Variants in TMEM178B observed in about 807,000 individuals in gnomAD.
TMEM178B encodes the protein transmembrane protein 178B.
A neutral mutation model predicts 31.0 loss-of-function variants in TMEM178B; 5 were observed. That is an observed-to-expected ratio of 0.16 (90% CI 0.08 to 0.34). The LOEUF (loss-of-function observed/expected upper bound fraction) is 0.34, where lower values mean the gene tolerates loss of function less well. TMEM178B is among the 10% of genes least tolerant of loss of function. The probability of loss-of-function intolerance (pLI) is 1.00; values close to 1 mark genes in which losing one functional copy is unlikely to be tolerated. For synonymous variants in TMEM178B, 164 were observed against 164.0 expected, an observed-to-expected ratio of 1.00 and a Z score of 0.00; for missense variants, 275 against 400.3, an observed-to-expected ratio of 0.69 and a Z score of 2.67.
intron 1 of TMEM178B, among the ~76,000 whole-genome samples, chr7:141,179,284 A>C (rs569174763): frequency 6.6e-6 from 1 of 152,344 alleles, no homozygotes; most frequent in East Asian, 1.9e-4. Flanking sequence ...ATAAAAGTTA[A>C]TGCCTGATTT....
chr7:141,244,160 A>G (rs1457684463), intron 2 of TMEM178B, among the ~76,000 whole-genome samples: 1 of 152,182 alleles, frequency 6.6e-6, no homozygotes, highest in African/African-American at 2.4e-5. Context: ...TCATTTACTT[A>G]TGTGCCAGGG....
chr7:141,387,401 A>G (rs557377677), intron 2 of TMEM178B, among the ~76,000 whole-genome samples: 70 of 152,270 alleles, frequency 4.6e-4, no homozygotes, highest in South Asian at 8.3e-4. Flanking sequence ...CATCCCCTAA[A>G]TGCCTCATAA....
At chr7:141,297,513 C>A (rs1007736470) in intron 2 of TMEM178B, among the ~76,000 whole-genome samples, 1 of 152,148 alleles carries the variant, frequency 6.6e-6, no homozygotes, top group African/African-American at 2.4e-5. Context: ...CCCCTTCCCC[C>A]ACCCCACAAC....
Position 141,470,529 on chromosome 7 carries a change from C to T in TMEM178B, c.635-7C>T. 6.6e-7 allele frequency: 1 copy of T among 1,504,214 alleles called. No individual in the cohort carries two copies. Among genetic ancestry groups the T allele is most frequent in the Non-Finnish European group, 8.9e-7 (1 of 1,129,752 alleles). The allele number at this position is 1,504,214 out of a possible 1,614,324, so 93.2% of individuals were successfully genotyped here. On this transcript the variant is annotated splice_polypyrimidine_tract_variant and splice_region_variant and intron_variant, in intron 3 of 3. Coordinates refer to ENST00000565468, the MANE Select transcript of TMEM178B (RefSeq NM_001195278.2). Reference sequence around the variant, plus strand: ...CCCCATCCTGTGTCTTTTCCCTTGTCCTCCAGGAACCTTCTGCATCATTTC... The same window carrying T: ...CCCCATCCTGTGTCTTTTCCCTTGTTCTCCAGGAACCTTCTGCATCATTTC...
At chr7:141,131,894 A>G (rs1795601271) in intron 1 of TMEM178B, among the ~76,000 whole-genome samples, 1 of 152,156 alleles carries the variant, frequency 6.6e-6, no homozygotes. Flanking sequence ...GAACTATTTT[A>G]TACACCCACC....
chr7:141,196,672 C>T (rs533349906), intron 1 of TMEM178B, among the ~76,000 whole-genome samples: 13 of 152,322 alleles, frequency 8.5e-5, no homozygotes, highest in Admixed American at 6.5e-4. Context: ...TAAATCGTGA[C>T]TCCCCTGGGT....
intron 2 of TMEM178B, among the ~76,000 whole-genome samples, chr7:141,251,966 TAA>T (rs1797841013): frequency 6.6e-6 from 1 of 152,168 alleles, no homozygotes; most frequent in African/African-American, 2.4e-5. Context: ...TTTTTCCTCT[TAA>T]GAGAGAGACA....
chr7:141,271,341 C>T lies in TMEM178B; in HGVS notation c.496+58637C>T, dbSNP rs1005852069. Among the ~76,000 whole-genome samples, 3 of 152,268 alleles carry T rather than the reference C, an allele frequency of 2.0e-5. No homozygotes were observed. The East Asian group carries it at 5.8e-4, about 29-fold the overall frequency. On this transcript the variant is annotated intron_variant, in intron 2 of 3. Transcript: ENST00000565468. Reference sequence around the variant, plus strand: ...TTCCTGAGGGGAAGGAATGAGGGGGCAAAGATTGTAAGGCACCATCCCCAA... The same window carrying T: ...TTCCTGAGGGGAAGGAATGAGGGGGTAAAGATTGTAAGGCACCATCCCCAA...
chr7:141,111,111 AG>A (rs1228797277), intron 1 of TMEM178B, among the ~76,000 whole-genome samples: 1 of 152,204 alleles, frequency 6.6e-6, no homozygotes, highest in Non-Finnish European at 1.5e-5. Flanking sequence ...TAATTTATAA[AG>A]AAAAAGAGGT....
At chr7:141,441,918 G>A (rs1233938080) in intron 3 of TMEM178B, among the ~76,000 whole-genome samples, 1 of 152,172 alleles carries the variant, frequency 6.6e-6, no homozygotes, top group South Asian at 2.1e-4. Context: ...ATTAAGTAGG[G>A]CAGCTTTGCT....
chr7:141,243,348 G>A (rs1797658794), intron 2 of TMEM178B, among the ~76,000 whole-genome samples: 1 of 152,066 alleles, frequency 6.6e-6, no homozygotes, highest in Non-Finnish European at 1.5e-5. Context: ...AAATGACACT[G>A]AAGTCTCTCA....
chr7:141,445,332 A>G (rs1801733331), intron 3 of TMEM178B, among the ~76,000 whole-genome samples: 1 of 152,200 alleles, frequency 6.6e-6, no homozygotes, highest in Non-Finnish European at 1.5e-5. Flanking sequence ...GCCTAAAATG[A>G]GAAGTCCAAG....
At chr7:141,245,243 A>G (rs1797709841) in intron 2 of TMEM178B, among the ~76,000 whole-genome samples, 1 of 148,734 alleles carries the variant, frequency 6.7e-6, no homozygotes, top group Non-Finnish European at 1.5e-5. Flanking sequence ...GAGGAGAGCC[A>G]AGAAACATCA....
At chr7:141,206,772 C>T (rs962506187) in intron 1 of TMEM178B, among the ~76,000 whole-genome samples, 1 of 152,144 alleles carries the variant, frequency 6.6e-6, no homozygotes, top group African/African-American at 2.4e-5. Flanking sequence ...AATTGCTCTC[C>T]CTGTTTTGCT....
At chr7:141,216,666 A>G (rs2159759) in intron 2 of TMEM178B, among the ~76,000 whole-genome samples, 97,322 of 151,756 alleles carry the variant, frequency 0.64, 32,958 homozygotes, top group Middle Eastern at 0.78. Context: ...GCTGGTGGGT[A>G]CTGTGGGTGC....
At chr7:141,329,197 A>G (rs1799251339) in intron 2 of TMEM178B, among the ~76,000 whole-genome samples, 1 of 152,190 alleles carries the variant, frequency 6.6e-6, no homozygotes, top group Non-Finnish European at 1.5e-5. Context: ...AAGAGATACC[A>G]TGAAGTTTTG....
chr7:141,442,872 G>C (rs1325295778), intron 3 of TMEM178B, among the ~76,000 whole-genome samples: 3 of 152,200 alleles, frequency 2.0e-5, no homozygotes, highest in Non-Finnish European at 4.4e-5. Flanking sequence ...TAGATTACAT[G>C]GTTCAGAATC....
intron 2 of TMEM178B, 57 bp from the exon 3 acceptor site, chr7:141,437,551 C>A: frequency 6.5e-7 from 1 of 1,529,018 alleles, no homozygotes; most frequent in Non-Finnish European, 8.7e-7. Context: ...CTGGGGTATA[C>A]CCTGGCCCTC....
chr7:141,188,013 T>C (rs1796638608), intron 1 of TMEM178B, among the ~76,000 whole-genome samples: 1 of 152,208 alleles, frequency 6.6e-6, no homozygotes, highest in African/African-American at 2.4e-5. Flanking sequence ...ATGAAGTCCT[T>C]GCCCATGCCT....
Sources: gnomAD v4.1 joint callset for allele counts (sites outside exome capture counted in the v4.1 genomes callset) on GRCh38, gnomAD v4.1.1 for gene constraint, MANE v1.5 for transcripts, NCBI Gene and HGNC (gene_info 2026-07-23, HGNC 2026-07-21) for gene names.